PTPRF: variants seen among roughly 807,000 people sequenced by gnomAD.
PTPRF encodes protein tyrosine phosphatase receptor type F, also known as receptor-type tyrosine-protein phosphatase F.
In PTPRF, 59 loss-of-function variants were observed where a neutral mutation model predicts 201.8. The ratio of observed to expected loss-of-function variants is 0.29; its 90% CI spans 0.24 to 0.36. The LOEUF is 0.36. Ranked by LOEUF, PTPRF falls within the 10% of genes least tolerant of loss-of-function variation. PTPRF has a pLI of 1.00. For synonymous variants in PTPRF, 1,088 were observed against 1,089.7 expected (o/e 1.00, Z 0.03); for missense variants, 2,132 against 2,690.5 (o/e 0.79, Z 4.59).
chr1:43,606,807 G>A lies in PTPRF; in HGVS notation c.3703-7G>A, dbSNP rs776077814. On this transcript the variant is annotated splice_polypyrimidine_tract_variant and splice_region_variant and intron_variant, in intron 20 of 33. Transcript: ENST00000359947. Reference sequence around the variant, plus strand: ...CTCACAGCCTGCTGTTCTCCACCGGGCCACAGAAGCGCTATGCCTCCAGCC... The same window carrying A: ...CTCACAGCCTGCTGTTCTCCACCGGACCACAGAAGCGCTATGCCTCCAGCC... 1.2e-6 allele frequency: 2 copies of A among 1,612,340 alleles called. No individual in the cohort carries two copies. Among genetic ancestry groups the A allele is most frequent in the East Asian group, 2.2e-5 (1 of 44,852 alleles).
chr1:43,615,856 C>T (rs747901726), intron 23 of PTPRF, among the ~76,000 whole-genome samples: 2 of 152,156 alleles, frequency 1.3e-5, no homozygotes, highest in Non-Finnish European at 2.9e-5. Flanking sequence ...TGAGCCACTG[C>T]ACCAGGCCTG....
rs372713942 is a variant in PTPRF, at chr1:43,592,478, A to G, written c.1690A>G (p.Thr564Ala). The G allele has an allele frequency of 2.8e-5, 45 of 1,610,902 alleles. No homozygotes were observed. In the African/African-American group the frequency reaches 2.9e-4, roughly 11 times the overall value. The part of the protein sequence containing the change: ...DQQHKVTFDP[T>A]SSYTLEDLKP... ...CCAGCACAAGGTGACCTTCGACCCA[A>G]CCTCCTCCTACACACTAGAGGACCT... Residue 564 changes from threonine (T) to alanine (A), a missense_variant, in exon 11 of 34, where the codon ACC (threonine) becomes GCC (alanine). Thr to Ala is a moderately conservative substitution (Grantham distance 58). Transcript: ENST00000359947.
intron 5 of PTPRF, among the ~76,000 whole-genome samples, chr1:43,564,133 C>T (rs1029091892): frequency 2.6e-5 from 4 of 152,168 alleles, no homozygotes; most frequent in East Asian, 1.9e-4. Flanking sequence ...AGCTGAAAAT[C>T]GAGACTCAAA....
At chr1:43,575,288 G>C (rs1646848495) in intron 6 of PTPRF, among the ~76,000 whole-genome samples, 1 of 152,130 alleles carries the variant, frequency 6.6e-6, no homozygotes. Context: ...TCGCCAGCCA[G>C]GCCAAATTGG....
chr1:43,543,225 C>T (rs1267252620), intron 2 of PTPRF, among the ~76,000 whole-genome samples: 1 of 152,206 alleles, frequency 6.6e-6, no homozygotes, highest in African/African-American at 2.4e-5. Flanking sequence ...ACCTGATGGC[C>T]GCTGGGAAGG....
intron 5 of PTPRF, among the ~76,000 whole-genome samples, chr1:43,556,201 T>TCA (rs775284349): frequency 1.3e-5 from 2 of 152,232 alleles, no homozygotes; most frequent in Non-Finnish European, 2.9e-5. Context: ...CTTTATCTGT[T>TCA]CACACACACA....
chr1:43,612,650 G>C lies in PTPRF; in HGVS notation c.3974-968G>C, dbSNP rs767022308. On this transcript the variant is annotated intron_variant, in intron 22 of 33. Coordinates refer to ENST00000359947, the MANE Select transcript of PTPRF (RefSeq NM_002840.5). ...CCCTCCTCTTCTCCGCCAGCCCCTC[G>C]CAAGCCCGCTCGGCACCTCCACTGT... 6 of 894,146 alleles carry C rather than the reference G, an allele frequency of 6.7e-6. No homozygotes were observed. The African/African-American group carries it at 1.1e-4, about 16-fold the overall frequency. 55.4% of individuals were successfully genotyped at this position (894,146 alleles called of 1,614,324 possible). A position where few individuals can be genotyped will look rare whatever the true frequency, so the allele number is the denominator to read the frequency against.
chr1:43,600,244 C>G (rs1653411284), intron 13 of PTPRF, among the ~76,000 whole-genome samples: 1 of 152,152 alleles, frequency 6.6e-6, no homozygotes, highest in South Asian at 2.1e-4. Context: ...ATGGGTTCCC[C>G]TAGCCCCTCC....
chr1:43,591,958 G>A lies in PTPRF; in HGVS notation c.1668+10G>A, dbSNP rs201946505. The A allele has an allele frequency of 4.4e-5, 71 of 1,613,114 alleles. No individual in the cohort carries two copies. The highest frequency in any genetic ancestry group is 5.6e-5 in the Non-Finnish European group (66 of 1,179,688). The stretch of plus-strand genomic sequence containing the variant: ...GGACGAAGACCAACAGGTGTGCAGC[G>A]GGCAGAGAAGCACTGAGGGGGTCTC... On this transcript the variant is annotated intron_variant, in intron 10 of 33. Coordinates refer to ENST00000359947, the MANE Select transcript of PTPRF (RefSeq NM_002840.5).
At chr1:43,575,329 G>A (rs769032182) in intron 6 of PTPRF, among the ~76,000 whole-genome samples, 13 of 152,148 alleles carry the variant, frequency 8.5e-5, no homozygotes, top group South Asian at 2.1e-4. Context: ...GTTTTTAGCA[G>A]GGTTGAGTGG....
At chr1:43,561,674 C>G (rs1271104067) in intron 5 of PTPRF, among the ~76,000 whole-genome samples, 2 of 152,194 alleles carry the variant, frequency 1.3e-5, no homozygotes, top group Non-Finnish European at 2.9e-5. Flanking sequence ...ACCCCCATGA[C>G]TGCAGTAGAT....
intron 1 of PTPRF, chr1:43,532,473 G>C (rs61769052): frequency 6.5e-6 from 1 of 154,746 alleles, no homozygotes; most frequent in Non-Finnish European, 1.5e-5. Flanking sequence ...GATCCAGAGC[G>C]ATCTGGTGTC....
intron 17 of PTPRF, 74 bp downstream of exon 17, chr1:43,605,074 C>T: frequency 4.4e-6 from 7 of 1,583,630 alleles, no homozygotes; most frequent in Non-Finnish European, 6.0e-6. Flanking sequence ...CAGTCCTAAC[C>T]CATGTGCATC....
At chr1:43,576,928 CA>C (rs1257367162) in intron 6 of PTPRF, among the ~76,000 whole-genome samples, 1 of 152,210 alleles carries the variant, frequency 6.6e-6, no homozygotes, top group Non-Finnish European at 1.5e-5. Context: ...GCTCTTGCTT[CA>C]CCTGGGAGCC....
In PTPRF at chr1:43,537,977, C is replaced by A. The variant is rs527808133; in HGVS notation, c.-125-221C>A. On this transcript the variant is annotated intron_variant, in intron 1 of 33. Transcript: ENST00000359947. The surrounding 1 kb of genome is among the most constrained non-coding windows in gnomAD (Gnocchi z 4.8). Reference sequence around the variant, plus strand: ...ATATGGCTGGTGCCTGGAAGGACGCCCAGCACATAGTAGGTGCTTAGGGAG... The same window carrying A: ...ATATGGCTGGTGCCTGGAAGGACGCACAGCACATAGTAGGTGCTTAGGGAG... 9.9e-5 allele frequency among the ~76,000 whole-genome samples: 15 copies of A among 151,958 alleles called. No homozygotes were observed. The highest frequency in any genetic ancestry group is 2.1e-4 in the Non-Finnish European group (14 of 67,992).
chr1:43,552,318 G>C (rs1284333859), intron 3 of PTPRF, among the ~76,000 whole-genome samples: 2 of 152,116 alleles, frequency 1.3e-5, no homozygotes, highest in Non-Finnish European at 2.9e-5. Context: ...TTTTGTACCA[G>C]GTGTTTGACA....
intron 10 of PTPRF, 70 bp downstream of exon 10, chr1:43,592,018 G>A: frequency 6.3e-7 from 1 of 1,589,762 alleles, no homozygotes; most frequent in Non-Finnish European, 8.6e-7. Flanking sequence ...GCTTAACCCA[G>A]GAGGGTATTT....
chr1:43,604,867 T>C (rs1654670151), intron 16 of PTPRF, 36 bp from the exon 17 acceptor site: 2 of 1,586,462 alleles, frequency 1.3e-6, no homozygotes, highest in African/African-American at 1.3e-5. Flanking sequence ...CCACCTCATA[T>C]ACCCAGCAGA....
rs1168874525 is a variant in PTPRF, at chr1:43,553,020, CGG to C, written c.92-469_92-468del. Among the ~76,000 whole-genome samples the C allele has an allele frequency of 2.0e-5, 3 of 151,994 alleles. No homozygotes were observed. Among genetic ancestry groups the C allele is most frequent in the Non-Finnish European group, 2.9e-5 (2 of 67,978 alleles). ...GAGTCTCGGTTCCTGGCCGGAGCCCCGGGGTGGATGGTGGTGCCATCACTGAG... is the reference window on the plus strand; with the variant it reads ...GAGTCTCGGTTCCTGGCCGGAGCCCCGGTGGATGGTGGTGCCATCACTGAG... On this transcript the variant is annotated intron_variant, in intron 3 of 33. Coordinates refer to ENST00000359947, the MANE Select transcript of PTPRF (RefSeq NM_002840.5). This position sits in a 1 kb window ranked among gnomAD's most constrained non-coding sequence, Gnocchi z 4.1.
Sources: allele counts gnomAD v4.1 joint callset (sites outside exome capture counted in the v4.1 genomes callset), GRCh38; gene constraint gnomAD v4.1.1; non-coding constraint Gnocchi (gnomAD v3.1); transcripts MANE v1.5; gene names NCBI Gene and HGNC (gene_info 2026-07-23, HGNC 2026-07-21).